The following ANKRD24 variants were observed in gnomAD, a reference collection of about 807,000 sequenced individuals.
ANKRD24 encodes the protein ankyrin repeat domain 24, also known as ankyrin repeat domain-containing protein 24.
A neutral mutation model predicts 127.8 loss-of-function variants in ANKRD24; 109 were observed. The observed-to-expected ratio is 0.85, with a 90% confidence interval of 0.73 to 1.00. ANKRD24 has a LOEUF of 1.00. Ranked by LOEUF, ANKRD24 falls within the 50% of genes least tolerant of loss-of-function variation. The pLI is 0.00. For synonymous variants in ANKRD24, 743 were observed against 671.1 expected, an observed-to-expected ratio of 1.11 and a Z score of -1.66; for missense variants, 1,648 against 1,570.2, an observed-to-expected ratio of 1.05 and a Z score of -0.84.
chr19:4,188,890 C>T (rs1272647401), intron 2 of ANKRD24, among the ~76,000 whole-genome samples: 1 of 152,168 alleles, frequency 6.6e-6, no homozygotes, highest in Non-Finnish European at 1.5e-5. Flanking sequence ...TCACTGCAAC[C>T]TCTGCCTCCT....
intron 6 of ANKRD24, 79 bp from the exon 7 acceptor site, chr19:4,202,790 C>T: frequency 6.9e-7 from 1 of 1,451,542 alleles, no homozygotes; most frequent in Admixed American, 2.0e-5. Flanking sequence ...TAGCAGAGCC[C>T]AGGGTAGGGA....
At chr19:4,215,071 C>T (rs937598974) in intron 15 of ANKRD24, among the ~76,000 whole-genome samples, 13 of 152,328 alleles carry the variant, frequency 8.5e-5, no homozygotes, top group Admixed American at 2.0e-4. Flanking sequence ...AGGAGGGAAA[C>T]GCCCATGGCA....
chr19:4,219,551 T>G, intron 18 of ANKRD24, 40 bp from the exon 19 acceptor site: 7 of 1,560,640 alleles, frequency 4.5e-6, no homozygotes, highest in Non-Finnish European at 6.1e-6. Context: ...ATCATTGGAG[T>G]CTTAGTGTCC....
Position 4,217,019 on chromosome 19 carries a change from CTA to C in ANKRD24, c.1860_1861del (p.Lys621AlafsTer57), listed in dbSNP as rs1268725432. ...ACAGAAGAAGAAGCAAACATGGAAA[CTA>C]AGCCCACAGGAGCTCAGGCCACAGA... On this transcript the variant is annotated frameshift_variant, in exon 18 of 22. Transcript: ENST00000318934. LOFTEE classifies it high-confidence loss of function. 6.2e-7 allele frequency: 1 copy of C among 1,613,694 alleles called. No homozygotes were observed. Among genetic ancestry groups the C allele is most frequent in the African/African-American group, 1.3e-5 (1 of 74,900 alleles).
At chr19:4,187,925 G>A (rs1175024162) in intron 2 of ANKRD24, among the ~76,000 whole-genome samples, 2 of 152,160 alleles carry the variant, frequency 1.3e-5, no homozygotes, top group East Asian at 3.9e-4. Flanking sequence ...TCGGAGGCTG[G>A]ACCAGGTCTG....
At chr19:4,201,567 A>G (rs1267491966) in intron 5 of ANKRD24, among the ~76,000 whole-genome samples, 2 of 152,026 alleles carry the variant, frequency 1.3e-5, no homozygotes, top group African/African-American at 2.4e-5. Flanking sequence ...GTCTCTGGGT[A>G]CAGGGAATAG....
At chr19:4,216,471 G>A (rs1413616596) in intron 17 of ANKRD24, 69 bp downstream of exon 17, 2 of 1,556,132 alleles carry the variant, frequency 1.3e-6, no homozygotes, top group African/African-American at 2.7e-5. Flanking sequence ...GGGTGGGCAG[G>A]GAAGGTGGCA....
intron 5 of ANKRD24, among the ~76,000 whole-genome samples, 171 bp from the exon 6 acceptor site, chr19:4,201,855 G>A (rs1969111190): frequency 6.6e-6 from 1 of 152,102 alleles, no homozygotes; most frequent in Admixed American, 6.5e-5. Context: ...CTGCACTCTA[G>A]CCTGGGCCAC....
chr19:4,202,467 G>A (rs1439801355), intron 6 of ANKRD24, among the ~76,000 whole-genome samples: 3 of 152,112 alleles, frequency 2.0e-5, no homozygotes, highest in Non-Finnish European at 4.4e-5. Context: ...CTACTAGGGA[G>A]GCTGAGGCAG....
At chr19:4,208,611 C>G (rs1424316866) in intron 10 of ANKRD24, among the ~76,000 whole-genome samples, 153 bp from the exon 11 acceptor site, 1 of 151,902 alleles carries the variant, frequency 6.6e-6, no homozygotes, top group Non-Finnish European at 1.5e-5. Context: ...GTCCCAAGTC[C>G]CTCTCTCAGC....
chr19:4,216,373 C>T lies in ANKRD24; in HGVS notation c.1360C>T (p.Gln454Ter). The T allele has an allele frequency of 3.8e-6, 6 of 1,573,544 alleles. No homozygotes were observed. The highest frequency in any genetic ancestry group is 4.3e-6 in the Non-Finnish European group (5 of 1,159,704). ...LQEQVAVLTRQNQELMEKVQI... is the reference protein window; with the variant it reads ...LQEQVAVLTR ...GGAACAGGTGGCTGTGCTCACCAGA[C>T]AGAACCAGGAACTGATGGAGAAGGT... The change falls in exon 17 of 22, where the codon CAG (glutamine) becomes TAG (stop). Residue 454 changes from glutamine to a stop codon, truncating the protein, a stop_gained. Coordinates refer to ENST00000318934, the MANE Select transcript of ANKRD24 (RefSeq NM_001393985.1). LOFTEE classifies it high-confidence loss of function.
In ANKRD24 at chr19:4,217,077, G is replaced by T. The variant is rs761721324; in HGVS notation, c.1917G>T (p.Gly639=). ...AGACCACGGGAGTGGAGGCCATGGG[G>T]GTGGAGGCCACAAAAACAAAAGCAG... ...DTETTGVEAM[G]VEATKTKAEE... Residue 639 remains glycine (G), a synonymous_variant, in exon 18 of 22, where the codon GGG becomes GGT. Coordinates refer to ENST00000318934, the MANE Select transcript of ANKRD24 (RefSeq NM_001393985.1). 2 of 1,613,762 alleles carry T rather than the reference G, an allele frequency of 1.2e-6. No homozygotes were observed. Among genetic ancestry groups the T allele is most frequent in the East Asian group, 4.5e-5 (2 of 44,882 alleles).
intron 2 of ANKRD24, among the ~76,000 whole-genome samples, chr19:4,193,854 A>G (rs996944348): frequency 0.089 from 3,472 of 39,206 alleles, 105 homozygotes; most frequent in Middle Eastern, 0.16. Context: ...GGAGGAAGGA[A>G]GGAAGGAAGG....
chr19:4,223,909 A>T (rs1241683946), intron 20 of ANKRD24, among the ~76,000 whole-genome samples: 1 of 151,968 alleles, frequency 6.6e-6, no homozygotes, highest in Non-Finnish European at 1.5e-5. Context: ...ATGTTGGTCC[A>T]GGCTGGTCTT....
chr19:4,208,555 T>C (rs748155516), intron 10 of ANKRD24, among the ~76,000 whole-genome samples: 11 of 151,924 alleles, frequency 7.2e-5, no homozygotes, highest in Non-Finnish European at 1.3e-4. Flanking sequence ...AATGCTAGGA[T>C]TACAGGCATG....
At chr19:4,214,008 C>T (rs923554210) in intron 15 of ANKRD24, among the ~76,000 whole-genome samples, 2 of 152,134 alleles carry the variant, frequency 1.3e-5, no homozygotes, top group African/African-American at 4.8e-5. Flanking sequence ...CGTGGCGGAG[C>T]ATGGTTAACA....
Position 4,224,761 on chromosome 19 carries a change from G to T in ANKRD24, c.*256G>T. 1.8e-6 allele frequency: 1 copy of T among 540,550 alleles called. No individual in the cohort carries two copies. The highest frequency in any genetic ancestry group is 2.2e-5 in the South Asian group (1 of 44,582). 33.5% of individuals were successfully genotyped at this position (540,550 alleles called of 1,614,324 possible). On this transcript the variant is annotated 3_prime_UTR_variant, in exon 22 of 22. Transcript: ENST00000318934. ...CCACCACCGGAGACTGTGATTCCCT[G>T]TGTCCTCCACATCCAGACGCCAGCC...
At chr19:4,188,202 C>T (rs113308500) in intron 2 of ANKRD24, among the ~76,000 whole-genome samples, 4,664 of 151,776 alleles carry the variant, frequency 0.031, 255 homozygotes, top group African/African-American at 0.11. Context: ...CTCAGCCTCC[C>T]GAGTAGCTGG....
At chr19:4,183,360 TGGA>T (rs997546036) in intron 1 of ANKRD24, 2 of 985,768 alleles carry the variant, frequency 2.0e-6, no homozygotes, top group East Asian at 2.3e-4. Flanking sequence ...GCTGGTGGCC[TGGA>T]GGACTCATTT....
Sources: allele counts gnomAD v4.1 joint callset (sites outside exome capture counted in the v4.1 genomes callset), GRCh38; gene constraint gnomAD v4.1.1; transcripts MANE v1.5; gene names NCBI Gene and HGNC (gene_info 2026-07-23, HGNC 2026-07-21).